The following GPN3 variants were observed in gnomAD, a reference collection of about 807,000 sequenced individuals.
GPN3 encodes ATP-binding domain 1 family member C.
A neutral mutation model predicts 38.7 loss-of-function variants in GPN3; 31 were observed. The ratio of observed to expected loss-of-function variants is 0.80; its 90% CI spans 0.60 to 1.08. The LOEUF (loss-of-function observed/expected upper bound fraction) is 1.08. Among genes scored for constraint, GPN3 ranks in the 50% least tolerant of loss-of-function variants. GPN3 has a pLI of 0.00. For missense variants in GPN3, 301 were observed against 354.4 expected, an observed-to-expected ratio of 0.85 and a Z score of 1.21; for synonymous variants, 116 against 120.2, an observed-to-expected ratio of 0.96 and a Z score of 0.23.
intron 2 of GPN3, among the ~76,000 whole-genome samples, chr12:110,460,565 G>A (rs1342810875): frequency 1.3e-5 from 2 of 152,146 alleles, no homozygotes; most frequent in African/African-American, 4.8e-5. Context: ...GCTGGGTGCG[G>A]TGACTCCTGC....
At chr12:110,456,563 T>C (rs1042862629) in intron 4 of GPN3, among the ~76,000 whole-genome samples, 2 of 152,080 alleles carry the variant, frequency 1.3e-5, no homozygotes, top group African/African-American at 4.8e-5. Flanking sequence ...TAATATTCCT[T>C]AAGAGCTATT....
At chr12:110,461,600 GA>G (rs985227615) in intron 2 of GPN3, among the ~76,000 whole-genome samples, 19 of 147,892 alleles carry the variant, frequency 1.3e-4, no homozygotes, top group Admixed American at 1.3e-3. Context: ...ACTGTCTCAG[GA>G]AAAAAAAAAT....
chr12:110,453,812 C>T lies in GPN3; in HGVS notation c.723G>A (p.Met241Ile). The change falls in exon 7 of 8, where the codon ATG becomes ATA. Residue 241 changes from methionine (M) to isoleucine (I), a missense_variant. Met to Ile is a conservative substitution (Grantham distance 10, BLOSUM62 1). Coordinates refer to ENST00000228827, the MANE Select transcript of GPN3 (RefSeq NM_016301.4). ...AATCAATATGCTGCAATACAATGTTCATGCTTTCTTCATCTGACTGATCGT... is the reference window on the plus strand; with the variant it reads ...AATCAATATGCTGCAATACAATGTTTATGCTTTCTTCATCTGACTGATCGT... ...LPYDQSDEES[M>I]NIVLQHIDFA... is the part of the protein sequence containing the mutation. 1 of 1,592,336 alleles carries T rather than the reference C, an allele frequency of 6.3e-7. No individual in the cohort carries two copies. The highest frequency in any genetic ancestry group is 8.6e-7 in the Non-Finnish European group (1 of 1,160,210).
chr12:110,457,553 CCA>C lies in GPN3; in HGVS notation c.405_406del (p.Cys135TrpfsTer6). The C allele has an allele frequency of 6.2e-7, 1 of 1,610,638 alleles. No individual in the cohort carries two copies. The highest frequency in any genetic ancestry group is 2.2e-5 in the East Asian group (1 of 44,746). Reference sequence around the variant, plus strand: ...GAACTGAGAATCAACAAGAAAAACTCCACAGACTCGGAACTCCCACTGCTCGA... The same window carrying C: ...GAACTGAGAATCAACAAGAAAAACTCCAGACTCGGAACTCCCACTGCTCGA... On this transcript the variant is annotated frameshift_variant, in exon 4 of 8. Coordinates refer to ENST00000228827, the MANE Select transcript of GPN3 (RefSeq NM_016301.4). LOFTEE classifies it high-confidence loss of function.
chr12:110,457,383 C>T (rs906623262), intron 4 of GPN3, 127 bp downstream of exon 4: 13 of 570,486 alleles, frequency 2.3e-5, no homozygotes, highest in Admixed American at 9.0e-5. Context: ...AACTGGGAGG[C>T]GGAGGTTGCA....
intron 2 of GPN3, chr12:110,461,118 A>G (rs878920872): frequency 7.6e-7 from 1 of 1,322,140 alleles, no homozygotes; most frequent in Admixed American, 1.7e-5. Context: ...CGTGCCCCTC[A>G]GGCACTCAAA....
upstream of GPN3, chr12:110,468,379 A>C (rs2062652750): frequency 2.0e-6 from 3 of 1,522,456 alleles, no homozygotes; most frequent in Non-Finnish European, 2.6e-6. Flanking sequence ...ACGCGTCCTG[A>C]GAAAAAAGGG....
In GPN3 at chr12:110,452,542, C is replaced by T. The variant is rs1323429016; in HGVS notation, c.*492G>A. ...AACCTTTGTTTCTTTTATATATACACATACATATCTCAAAACATAGTTATT... is the reference window on the plus strand; with the variant it reads ...AACCTTTGTTTCTTTTATATATACATATACATATCTCAAAACATAGTTATT... On this transcript the variant is annotated 3_prime_UTR_variant, in exon 8 of 8. Transcript: ENST00000228827. 6.3e-6 allele frequency: 1 copy of T among 159,250 alleles called. No individual in the cohort carries two copies. Among genetic ancestry groups the T allele is most frequent in the Admixed American group, 6.0e-5 (1 of 16,628 alleles). The allele number at this position is 159,250 out of a possible 1,614,324, so 9.9% of individuals were successfully genotyped here.
rs372787057 is a variant in GPN3, at chr12:110,459,775, T to C, written c.245A>G (p.Glu82Gly). 3.1e-6 allele frequency: 5 copies of C among 1,612,478 alleles called. No individual in the cohort carries two copies. Among genetic ancestry groups the C allele is most frequent in the Non-Finnish European group, 4.2e-6 (5 of 1,178,618 alleles). The change falls in exon 3 of 8, where the codon GAG (glutamate) becomes GGG (glycine). Residue 82 changes from glutamate (E) to glycine (G), a missense_variant. Glu to Gly is a moderately conservative substitution (Grantham distance 98). Coordinates refer to ENST00000228827, the MANE Select transcript of GPN3 (RefSeq NM_016301.4). ...GPNGGLVFCMEYFANNFDWLE... is the reference protein window; with the variant it reads ...GPNGGLVFCMGYFANNFDWLE... ...CCAGTCAAAATTATTGGCAAAGTACTCCATGCAAAATACCAATCCTCCGTT... is the reference window on the plus strand; with the variant it reads ...CCAGTCAAAATTATTGGCAAAGTACCCCATGCAAAATACCAATCCTCCGTT...
chr12:110,468,309 GCCTCCAGTTCTACCACA>G, upstream of GPN3: 2 of 1,585,310 alleles, frequency 1.3e-6, no homozygotes, highest in Non-Finnish European at 1.7e-6. Flanking sequence ...TTCTTTCTAC[GCCTCCAGTTCTACCACA>G]CCTCCTACTA....
At chr12:110,465,442 C>G (rs1276924412) in intron 1 of GPN3, among the ~76,000 whole-genome samples, 1 of 152,176 alleles carries the variant, frequency 6.6e-6, no homozygotes, top group Non-Finnish European at 1.5e-5. Context: ...ATTTTCGTGT[C>G]TCTAACTGGG....
At chr12:110,455,731 C>G (rs1480513508) in intron 5 of GPN3, 49 bp from the exon 6 acceptor site, 9 of 1,047,012 alleles carry the variant, frequency 8.6e-6, no homozygotes, top group Non-Finnish European at 1.2e-5. Flanking sequence ...GGTTTATAAA[C>G]CAGCCAAACT....
At chr12:110,468,588 G>C (rs994030731), upstream of GPN3, 3 of 1,537,254 alleles carry the variant, frequency 2.0e-6, no homozygotes, top group Admixed American at 2.0e-5. Context: ...CAAATGTGCT[G>C]AGGATCTGGA....
intron 2 of GPN3, among the ~76,000 whole-genome samples, chr12:110,461,911 G>A (rs2062592535): frequency 6.6e-6 from 1 of 152,116 alleles, no homozygotes; most frequent in Non-Finnish European, 1.5e-5. Flanking sequence ...GCATAATCAT[G>A]GCTCACTGCA....
chr12:110,452,985 C>T lies in GPN3; in HGVS notation c.*49G>A. 1 of 826,204 alleles carries T rather than the reference C, an allele frequency of 1.2e-6. No individual in the cohort carries two copies. Among genetic ancestry groups the T allele is most frequent in the South Asian group, 1.3e-5 (1 of 75,090 alleles). 51.2% of individuals were successfully genotyped at this position (826,204 alleles called of 1,614,324 possible). A position where few individuals can be genotyped will look rare whatever the true frequency, so the allele number is the denominator to read the frequency against. On this transcript the variant is annotated 3_prime_UTR_variant, in exon 8 of 8. Transcript: ENST00000228827. The stretch of plus-strand genomic sequence containing the variant: ...TGCATCCTTTGAAGAGAAGAATGTT[C>T]TGCTGGTTTGGCCACAAGCTCTTTA...
chr12:110,461,402 A>T, intron 2 of GPN3: 5 of 347,166 alleles, frequency 1.4e-5, no homozygotes, highest in Non-Finnish European at 2.6e-5. Context: ...TATAAAATTG[A>T]AAAAAAAAAA....
At chr12:110,461,237 A>C in intron 2 of GPN3, 1 of 1,291,374 alleles carries the variant, frequency 7.7e-7, no homozygotes, top group Non-Finnish European at 1.1e-6. Context: ...CCCATACTGA[A>C]TCCGTGTGCA....
At chr12:110,464,598 T>A (rs1313556063) in intron 2 of GPN3, among the ~76,000 whole-genome samples, 1 of 150,470 alleles carries the variant, frequency 6.6e-6, no homozygotes, top group African/African-American at 2.4e-5. Context: ...TTACTTTTTT[T>A]TTTTTTTTTT....
chr12:110,467,599 C>A (rs1443893813), intron 1 of GPN3, among the ~76,000 whole-genome samples: 1 of 152,142 alleles, frequency 6.6e-6, no homozygotes, highest in Non-Finnish European at 1.5e-5. Flanking sequence ...CTCCTAAATG[C>A]GAAGTTGAGA....
Sources: gnomAD v4.1 joint callset for allele counts (sites outside exome capture counted in the v4.1 genomes callset) on GRCh38, gnomAD v4.1.1 for gene constraint, MANE v1.5 for transcripts, NCBI Gene and HGNC (gene_info 2026-07-23, HGNC 2026-07-21) for gene names.